Variants in MYH9 observed in about 807,000 individuals in gnomAD.
MYH9 encodes myosin heavy chain 9.
A neutral mutation model predicts 241.9 loss-of-function variants in MYH9; 29 were observed. The observed-to-expected ratio is 0.12, with a 90% CI of 0.09 to 0.16. MYH9 has a LOEUF of 0.16. Ranked by LOEUF, MYH9 falls within the 10% of genes least tolerant of loss-of-function variation. The probability of loss-of-function intolerance (pLI) is 1.00; values close to 1 mark genes in which losing one functional copy is unlikely to be tolerated. For missense variants in MYH9, 1,803 were observed against 2,595.5 expected, an observed-to-expected ratio of 0.69 and a Z score of 6.63; for synonymous variants, 1,047 against 1,062.6, an observed-to-expected ratio of 0.99 and a Z score of 0.29.
chr22:36,287,147 C>T (rs1313388336), intron 34 of MYH9, among the ~76,000 whole-genome samples: 5 of 152,318 alleles, frequency 3.3e-5, no homozygotes, highest in African/African-American at 7.2e-5. Flanking sequence ...ACCCCTAATG[C>T]GCACCTGCCA....
intron 1 of MYH9, among the ~76,000 whole-genome samples, chr22:36,378,266 G>A (rs994143518): frequency 2.0e-5 from 3 of 151,996 alleles, no homozygotes; most frequent in Non-Finnish European, 2.9e-5. Context: ...AGAGCAAGAC[G>A]CTGTCTCATA....
Position 36,297,028 on chromosome 22 carries a change from G to T in MYH9, c.3101-14C>A. On this transcript the variant is annotated splice_polypyrimidine_tract_variant and intron_variant, in intron 24 of 40. Coordinates refer to ENST00000216181, the MANE Select transcript of MYH9 (RefSeq NM_002473.6). ...TGCGGAGGCGCTCTGCAATGCAGGGGGAGCCCACATAGCCCTCAGTGCCAT... is the reference window on the plus strand; with the variant it reads ...TGCGGAGGCGCTCTGCAATGCAGGGTGAGCCCACATAGCCCTCAGTGCCAT... 5 of 1,613,328 alleles carry T rather than the reference G, an allele frequency of 3.1e-6. No individual in the cohort carries two copies. The South Asian group carries it at 4.4e-5, about 14-fold the overall frequency.
At chr22:36,338,916 GAA>G (rs2017541487) in intron 3 of MYH9, among the ~76,000 whole-genome samples, 2 of 152,132 alleles carry the variant, frequency 1.3e-5, no homozygotes, top group South Asian at 4.1e-4. Context: ...GACAAATCAT[GAA>G]GAGACCCTGA....
At chr22:36,352,607 A>T (rs1239667947) in intron 1 of MYH9, among the ~76,000 whole-genome samples, 1 of 152,158 alleles carries the variant, frequency 6.6e-6, no homozygotes, top group Non-Finnish European at 1.5e-5. Flanking sequence ...AACTGCCCTC[A>T]GAACCTCACC....
intron 3 of MYH9, among the ~76,000 whole-genome samples, chr22:36,337,163 C>T (rs956762424): frequency 5.3e-5 from 8 of 152,192 alleles, no homozygotes; most frequent in Non-Finnish European, 1.2e-4. Context: ...ATCTTGCCCC[C>T]CACGGAAACT....
rs1190948458 is a variant in MYH9, at chr22:36,295,241, A to T, written c.3486-165T>A. ...CCATCTATCCCATAGCCCAGGCTCA[A>T]ATACGCCCTGTGAGAGCTTCTGTAG... On this transcript the variant is annotated intron_variant, in intron 26 of 40. Coordinates refer to ENST00000216181, the MANE Select transcript of MYH9 (RefSeq NM_002473.6). The surrounding 1 kb of genome is among the most constrained non-coding windows in gnomAD (Gnocchi z 4.1). Among the ~76,000 whole-genome samples the T allele has an allele frequency of 6.6e-6, 1 of 152,062 alleles. No homozygotes were observed. Among genetic ancestry groups the T allele is most frequent in the Non-Finnish European group, 1.5e-5 (1 of 68,000 alleles).
rs564660610 is a variant in MYH9, at chr22:36,320,215, T to C, written c.1012+5A>G. The C allele has an allele frequency of 6.2e-6, 10 of 1,614,164 alleles. No individual in the cohort carries two copies. In the East Asian group the frequency reaches 1.3e-4, roughly 22 times the overall value. ...CACTCGACCATAGGAGGGCCAGCCCTGTACCCATTTGCTCCTCTTCTGGGA... is the reference window on the plus strand; with the variant it reads ...CACTCGACCATAGGAGGGCCAGCCCCGTACCCATTTGCTCCTCTTCTGGGA... On this transcript the variant is annotated splice_donor_5th_base_variant and intron_variant, in intron 9 of 40. Coordinates refer to ENST00000216181, the MANE Select transcript of MYH9 (RefSeq NM_002473.6). The surrounding 1 kb of genome is among the most constrained non-coding windows in gnomAD (Gnocchi z 4.8).
In MYH9 at chr22:36,293,010, A is replaced by C. The variant is rs933786057; in HGVS notation, c.4095+319T>G. ...TGACAGGGTAACTGGCCATTTCTAC[A>C]GATGATGACGGCACAGGGACTGCCA... On this transcript the variant is annotated intron_variant, in intron 30 of 40. Coordinates refer to ENST00000216181, the MANE Select transcript of MYH9 (RefSeq NM_002473.6). The surrounding 1 kb of genome is among the most constrained non-coding windows in gnomAD (Gnocchi z 5.1). 6.6e-6 allele frequency among the ~76,000 whole-genome samples: 1 copy of C among 152,240 alleles called. No homozygotes were observed. The highest frequency in any genetic ancestry group is 1.5e-5 in the Non-Finnish European group (1 of 68,050).
At position 36,305,816 on chromosome 22, in the gene MYH9, T is replaced by G; in HGVS notation, c.2159+114A>C. 4 of 1,463,294 alleles carry G rather than the reference T, an allele frequency of 2.7e-6. No homozygotes were observed. In the Admixed American group the frequency reaches 6.7e-5, roughly 25 times the overall value. 90.6% of individuals were successfully genotyped at this position (1,463,294 alleles called of 1,614,324 possible). ...CTGGCCAGACTCAGTTCTACATGGA[T>G]GGAGGACGTCGCTCCCTCACGACAG... On this transcript the variant is annotated intron_variant, in intron 17 of 40. Transcript: ENST00000216181. The surrounding 1 kb of genome is among the most constrained non-coding windows in gnomAD (Gnocchi z 4.7).
chr22:36,300,717 G>A lies in MYH9; in HGVS notation c.2838+134C>T, dbSNP rs1023658831. On this transcript the variant is annotated intron_variant, in intron 22 of 40. Coordinates refer to ENST00000216181, the MANE Select transcript of MYH9 (RefSeq NM_002473.6). This position sits in a 1 kb window ranked among gnomAD's most constrained non-coding sequence, Gnocchi z 5.0. ...GCCCAAAGGGAACACCTCTCACTGA[G>A]AGCCCCAAGCAGATTGCGTGAGGAG... 12 of 977,700 alleles carry A rather than the reference G, an allele frequency of 1.2e-5. No individual in the cohort carries two copies. The African/African-American group carries it at 1.8e-4, about 14-fold the overall frequency. 60.6% of individuals were successfully genotyped at this position (977,700 alleles called of 1,614,324 possible). A position where few individuals can be genotyped will look rare whatever the true frequency, so the allele number is the denominator to read the frequency against.
chr22:36,368,980 G>A (rs1041017350), intron 1 of MYH9, among the ~76,000 whole-genome samples: 32 of 152,116 alleles, frequency 2.1e-4, no homozygotes, highest in Admixed American at 2.0e-3. Flanking sequence ...TGTATTAAAA[G>A]GGAAGAGACC....
chr22:36,339,639 A>G (rs1445916666), intron 3 of MYH9, among the ~76,000 whole-genome samples: 2 of 152,216 alleles, frequency 1.3e-5, no homozygotes, highest in East Asian at 1.9e-4. Flanking sequence ...ACTGTAAACC[A>G]CTAAACCAGG....
intron 1 of MYH9, among the ~76,000 whole-genome samples, chr22:36,350,055 T>C (rs2017741229): frequency 6.6e-6 from 1 of 152,210 alleles, no homozygotes; most frequent in Non-Finnish European, 1.5e-5. Flanking sequence ...CACCAGATTT[T>C]AATTCCATCT....
chr22:36,350,372 T>C (rs1206816140), intron 1 of MYH9, among the ~76,000 whole-genome samples: 1 of 152,190 alleles, frequency 6.6e-6, no homozygotes, highest in Non-Finnish European at 1.5e-5. Context: ...ACCCCGTCTC[T>C]ACTAAAAATA....
chr22:36,314,408 A>G, intron 12 of MYH9, 90 bp from the exon 13 acceptor site: 2 of 1,517,468 alleles, frequency 1.3e-6, no homozygotes, highest in South Asian at 1.1e-5. Context: ...GGGCAGGGAT[A>G]CAGGAAGGGC....
rs1357812916 is a variant in MYH9, at chr22:36,305,146, G to A, written c.2160-44C>T. The A allele has an allele frequency of 8.8e-6, 13 of 1,480,948 alleles. No homozygotes were observed. Among genetic ancestry groups the A allele is most frequent in the Middle Eastern group, 1.7e-4 (1 of 5,828 alleles). The allele number at this position is 1,480,948 out of a possible 1,614,324, so 91.7% of individuals were successfully genotyped here. A position where few individuals can be genotyped will look rare whatever the true frequency, so the allele number is the denominator to read the frequency against. On this transcript the variant is annotated intron_variant, in intron 17 of 40. Transcript: ENST00000216181. This position sits in a 1 kb window ranked among gnomAD's most constrained non-coding sequence, Gnocchi z 4.7. ...GCCTGGTCATTTTACCCATTGCCTCGATTCCACATGCCTGGAATATAGGCG... is the reference window on the plus strand; with the variant it reads ...GCCTGGTCATTTTACCCATTGCCTCAATTCCACATGCCTGGAATATAGGCG...
At chr22:36,289,015 A>C (rs774378364) in intron 32 of MYH9, 70 bp downstream of exon 32, 64 of 1,612,512 alleles carry the variant, frequency 4.0e-5, no homozygotes, top group Non-Finnish European at 5.2e-5. Flanking sequence ...GAGTCTGTGC[A>C]CACACCGACC....
At chr22:36,304,268 C>A in intron 18 of MYH9, 113 bp from the exon 19 acceptor site, 1 of 1,163,082 alleles carries the variant, frequency 8.6e-7, no homozygotes, top group Non-Finnish European at 1.3e-6. Context: ...CACTGGCTGA[C>A]GAGCATCTGG....
Position 36,338,145 on chromosome 22 carries a change from G to A in MYH9, c.490+3225C>T, listed in dbSNP as rs970118185. ...CCTGAGTAGTTGGGACTACAGGCGT[G>A]CGCCACAATGCCTGGCTAATTTTTT... On this transcript the variant is annotated intron_variant, in intron 3 of 40. Coordinates refer to ENST00000216181, the MANE Select transcript of MYH9 (RefSeq NM_002473.6). 1.6e-4 allele frequency among the ~76,000 whole-genome samples: 25 copies of A among 152,016 alleles called. 1 individual carries two copies. Among genetic ancestry groups the A allele is most frequent in the Non-Finnish European group, 3.4e-4 (23 of 67,988 alleles).
Sources: gnomAD v4.1 joint callset for allele counts (sites outside exome capture counted in the v4.1 genomes callset) on GRCh38, gnomAD v4.1.1 for gene constraint, Gnocchi (gnomAD v3.1) non-coding constraint, MANE v1.5 for transcripts, NCBI Gene and HGNC (gene_info 2026-07-23, HGNC 2026-07-21) for gene names.